Variants in CEP89 observed in about 807,000 individuals in gnomAD.
CEP89 encodes the protein centrosomal protein 89.
A neutral mutation model predicts 97.6 loss-of-function variants in CEP89; 95 were observed. That is an observed-to-expected ratio of 0.97 (90% confidence interval 0.82 to 1.15). The LOEUF (loss-of-function observed/expected upper bound fraction) is 1.15, where lower values mean the gene tolerates loss of function less well. Ranked by LOEUF, CEP89 falls within the 50% of genes most tolerant of loss-of-function variation. The pLI is 0.00. For synonymous variants in CEP89, 354 were observed against 349.1 expected, an observed-to-expected ratio of 1.01 and a Z score of -0.16; for missense variants, 869 against 947.7, an observed-to-expected ratio of 0.92 and a Z score of 1.09.
intron 18 of CEP89, 78 bp downstream of exon 18, chr19:32,881,766 G>A: frequency 7.5e-7 from 1 of 1,340,170 alleles, no homozygotes; most frequent in Non-Finnish European, 1.0e-6. Context: ...AATAAAACAG[G>A]CCCAGAGGGT....
chr19:32,910,285 G>A (rs1427706401), intron 14 of CEP89, among the ~76,000 whole-genome samples: 1 of 147,730 alleles, frequency 6.8e-6, no homozygotes, highest in African/African-American at 2.5e-5. Context: ...GAGAGAGAGA[G>A]AGAGCGAGAG....
chr19:32,942,849 C>CTTT lies in CEP89; in HGVS notation c.596-2967_596-2965dup, dbSNP rs757161677. Reference sequence around the variant, plus strand: ...GGTGTCATGCTGGGTCTATTCCAGTCTTTTTTTTTTTTTTTTTTGAGACAG... The same window carrying CTTT: ...GGTGTCATGCTGGGTCTATTCCAGTCTTTTTTTTTTTTTTTTTTTTTGAGACAG... On this transcript the variant is annotated intron_variant, in intron 5 of 18. Coordinates refer to ENST00000305768, the MANE Select transcript of CEP89 (RefSeq NM_032816.5). 1.3e-4 allele frequency among the ~76,000 whole-genome samples: 18 copies of CTTT among 136,368 alleles called. 4 individuals are homozygous for CTTT. Among genetic ancestry groups the CTTT allele is most frequent in the Non-Finnish European group, 7.9e-5 (5 of 63,070 alleles). The allele number at this position is 136,368 out of a possible 152,430, so 89.5% of individuals were successfully genotyped here. A position where few individuals can be genotyped will look rare whatever the true frequency, so the allele number is the denominator to read the frequency against.
chr19:32,942,940 A>G (rs4805018), intron 5 of CEP89, among the ~76,000 whole-genome samples: 53,510 of 150,388 alleles, frequency 0.36, 9,693 homozygotes, highest in Admixed American at 0.48. Context: ...CAACCTGCCG[A>G]GCTCAAGCGA....
In CEP89 at chr19:32,881,906, C is replaced by A; in HGVS notation, c.2073G>T (p.Arg691=). The A allele has an allele frequency of 1.2e-6, 2 of 1,606,348 alleles. No individual in the cohort carries two copies. Among genetic ancestry groups the A allele is most frequent in the Non-Finnish European group, 1.7e-6 (2 of 1,178,454 alleles). The stretch of plus-strand genomic sequence containing the variant: ...TGTCCTTCAGCACCTGGTGCAGGTG[C>A]CGCATCTCCTGCCGGTACTGGGCTG... ...GKTAQYRQEM[R]HLHQVLKDKQ... The change falls in exon 18 of 19, where the codon CGG becomes CGT. Residue 691 remains arginine (R), a synonymous_variant. Coordinates refer to ENST00000305768, the MANE Select transcript of CEP89 (RefSeq NM_032816.5).
Position 32,949,085 on chromosome 19 carries a change from A to G in CEP89, c.493-717T>C, listed in dbSNP as rs187874453. Among the ~76,000 whole-genome samples the G allele has an allele frequency of 4.8e-3, 724 of 152,306 alleles. 4 individuals carry two copies. Among genetic ancestry groups the G allele is most frequent in the Non-Finnish European group, 7.5e-3 (512 of 68,000 alleles). On this transcript the variant is annotated intron_variant, in intron 4 of 18. Coordinates refer to ENST00000305768, the MANE Select transcript of CEP89 (RefSeq NM_032816.5). Reference sequence around the variant, plus strand: ...GCTGACCTCCCCTGGGAGGACTCTCATTGAAGCCTCCTATGTTCACCAATT... The same window carrying G: ...GCTGACCTCCCCTGGGAGGACTCTCGTTGAAGCCTCCTATGTTCACCAATT...
chr19:32,892,498 G>T (rs12150992), intron 16 of CEP89, among the ~76,000 whole-genome samples: 14,649 of 150,908 alleles, frequency 0.097, 895 homozygotes, highest in Middle Eastern at 0.16. Context: ...TGGAGATAGG[G>T]TTTCGCCATG....
intron 3 of CEP89, among the ~76,000 whole-genome samples, chr19:32,957,991 G>C (rs1207692549): frequency 6.8e-6 from 1 of 147,176 alleles, no homozygotes; most frequent in Non-Finnish European, 1.5e-5. Context: ...ATGAGATCCT[G>C]TGTCAAAACA....
intron 16 of CEP89, among the ~76,000 whole-genome samples, chr19:32,892,202 CATATATATATATAT>C (rs71336973): frequency 0.2 from 23,464 of 114,916 alleles, 2,563 homozygotes; most frequent in African/African-American, 0.28. Flanking sequence ...TATATTTAGA[CATATATATATATAT>C]ATATATATAT....
chr19:32,898,635 A>G (rs910627246), intron 16 of CEP89, among the ~76,000 whole-genome samples: 3 of 152,056 alleles, frequency 2.0e-5, no homozygotes, highest in African/African-American at 7.2e-5. Flanking sequence ...TAATCCCAGC[A>G]CTCTGGGAGG....
Position 32,971,903 on chromosome 19 carries a change from G to T in CEP89, c.-29C>A, listed in dbSNP as rs773027488. On this transcript the variant is annotated 5_prime_UTR_variant, in exon 1 of 19. Coordinates refer to ENST00000305768, the MANE Select transcript of CEP89 (RefSeq NM_032816.5). The stretch of plus-strand genomic sequence containing the variant: ...TGCAGCGCGAGGAGAATGGACCGGG[G>T]CCTGGACTCATCAGCAGATCTATCC... The T allele has an allele frequency of 1.3e-6, 2 of 1,575,866 alleles. No homozygotes were observed. The highest frequency in any genetic ancestry group is 1.7e-6 in the Non-Finnish European group (2 of 1,159,334).
At chr19:32,948,754 C>G (rs1438181919) in intron 4 of CEP89, among the ~76,000 whole-genome samples, 3 of 152,078 alleles carry the variant, frequency 2.0e-5, no homozygotes, top group Non-Finnish European at 4.4e-5. Context: ...GAGACAGGGT[C>G]TCCTCTGTCA....
intron 3 of CEP89, among the ~76,000 whole-genome samples, chr19:32,955,658 C>T (rs749077858): frequency 2.6e-5 from 4 of 151,998 alleles, no homozygotes; most frequent in South Asian, 2.1e-4. Flanking sequence ...GGACTACAGG[C>T]GCCTGCCACC....
rs375760443 is a variant in CEP89 at position 32,904,122 on chromosome 19, T to G, written c.1566-2710A>C. 3.3e-5 allele frequency among the ~76,000 whole-genome samples: 5 copies of G among 152,172 alleles called. No individual in the cohort carries two copies. In the East Asian group the frequency reaches 7.7e-4, roughly 23 times the overall value. ...CTGGAGCAAGCAGTGATTGCACCACTGCACTCCAGCCTGTCCAACAGAGCC... is the reference window on the plus strand; with the variant it reads ...CTGGAGCAAGCAGTGATTGCACCACGGCACTCCAGCCTGTCCAACAGAGCC... On this transcript the variant is annotated intron_variant, in intron 14 of 18. Coordinates refer to ENST00000305768, the MANE Select transcript of CEP89 (RefSeq NM_032816.5).
At chr19:32,953,838 G>C in intron 3 of CEP89, 37 bp from the exon 4 acceptor site, 22 of 1,265,836 alleles carry the variant, frequency 1.7e-5, no homozygotes, top group Non-Finnish European at 2.2e-5. Flanking sequence ...CAAACAAAAA[G>C]TCACTTAACA....
intron 3 of CEP89, among the ~76,000 whole-genome samples, chr19:32,955,369 C>T (rs1007934965): frequency 6.6e-6 from 1 of 152,152 alleles, no homozygotes; most frequent in African/African-American, 2.4e-5. Flanking sequence ...GCTTAACCAG[C>T]CATTTTCCTT....
intron 7 of CEP89, among the ~76,000 whole-genome samples, chr19:32,933,987 A>G (rs79289479): frequency 6.6e-6 from 1 of 152,210 alleles, no homozygotes; most frequent in East Asian, 1.9e-4. Context: ...GTGAGAAGGA[A>G]GAGGCTCTGC....
chr19:32,894,519 C>T (rs1969598916), intron 16 of CEP89, among the ~76,000 whole-genome samples: 1 of 152,242 alleles, frequency 6.6e-6, no homozygotes, highest in Non-Finnish European at 1.5e-5. Flanking sequence ...CCTGCCTGGG[C>T]AGGGCTAAAG....
At chr19:32,916,226 C>G (rs1008177529) in intron 13 of CEP89, among the ~76,000 whole-genome samples, 2 of 151,752 alleles carry the variant, frequency 1.3e-5, no homozygotes, top group African/African-American at 4.8e-5. Context: ...TATAGTGAGC[C>G]GTGACTGGGC....
intron 1 of CEP89, chr19:32,971,136 C>G (rs1216900192): frequency 5.2e-6 from 1 of 191,084 alleles, no homozygotes; most frequent in Non-Finnish European, 1.1e-5. Context: ...TCTGCCGCAG[C>G]AGTCCAGACA....
Sources: allele counts gnomAD v4.1 joint callset (sites outside exome capture counted in the v4.1 genomes callset), GRCh38; gene constraint gnomAD v4.1.1; transcripts MANE v1.5; gene names NCBI Gene and HGNC (gene_info 2026-07-23, HGNC 2026-07-21).